Variants in RIMOC1 observed in about 807,000 individuals in gnomAD.
The protein encoded by RIMOC1 is RAB7A-interacting MON1-CCZ1 complex subunit 1.
At chr5:41,906,140 A>G in the RIMOC1 span, among the ~76,000 whole-genome samples, 1 of 152,222 alleles carries the variant, frequency 6.6e-6, no homozygotes. Context: ...TTCAGATTAG[A>G]TGAGATACAG....
the RIMOC1 span, among the ~76,000 whole-genome samples, chr5:41,905,678 T>TG: frequency 3.9e-5 from 6 of 152,254 alleles, no homozygotes; most frequent in African/African-American, 1.4e-4. Context: ...AACTTGAAAG[T>TG]TATCTATGTT....
At chr5:41,917,341 C>T in the RIMOC1 span, 1 of 1,531,884 alleles carries the variant, frequency 6.5e-7, no homozygotes, top group Non-Finnish European at 8.8e-7. Context: ...ACAACAAAAC[C>T]CATGAAATGG....
At chr5:41,908,554 G>A in the RIMOC1 span, among the ~76,000 whole-genome samples, 2 of 152,044 alleles carry the variant, frequency 1.3e-5, no homozygotes, top group African/African-American at 4.8e-5. Context: ...GCTTGGTGCT[G>A]TTCTTCCTGT....
chr5:41,905,297 A>C, the RIMOC1 span, among the ~76,000 whole-genome samples: 1 of 152,204 alleles, frequency 6.6e-6, no homozygotes, highest in Non-Finnish European at 1.5e-5. Context: ...CCTTAGTTTC[A>C]GTGAATATTT....
the RIMOC1 span, chr5:41,909,673 G>A: frequency 8.8e-7 from 1 of 1,139,062 alleles, no homozygotes; most frequent in South Asian, 1.8e-5. Flanking sequence ...ATGTGTGCAA[G>A]GTTAGACTGT....
chr5:41,914,096 T>C, the RIMOC1 span, among the ~76,000 whole-genome samples: 1 of 152,198 alleles, frequency 6.6e-6, no homozygotes, highest in Non-Finnish European at 1.5e-5. Context: ...TCACCTGTTT[T>C]CCTAATTCTC....
the RIMOC1 span, chr5:41,911,300 A>G: frequency 4.6e-5 from 39 of 845,878 alleles, no homozygotes; most frequent in African/African-American, 6.6e-4. Flanking sequence ...TGTGTCTTTT[A>G]TTTACTAGCT....
chr5:41,917,593 C>T, the RIMOC1 span: 1,963 of 910,796 alleles, frequency 2.2e-3, 2 homozygotes, highest in Middle Eastern at 5.5e-3. Context: ...AAGATTTTTT[C>T]TATTACTTTT....
the RIMOC1 span, among the ~76,000 whole-genome samples, chr5:41,910,847 A>C: frequency 6.6e-6 from 1 of 152,154 alleles, no homozygotes; most frequent in African/African-American, 2.4e-5. Context: ...AGTAAATTGA[A>C]GTTATTTTAA....
At chr5:41,909,863 T>C in the RIMOC1 span, 1 of 1,580,876 alleles carries the variant, frequency 6.3e-7, no homozygotes. Context: ...ACCAGAAATT[T>C]TAGTAAAGGA....
At chr5:41,919,966 G>C in the RIMOC1 span, 1 of 152,126 alleles carries the variant, frequency 6.6e-6, no homozygotes, top group Non-Finnish European at 1.5e-5. Flanking sequence ...GAATTAATGA[G>C]GCATGATTCT....
chr5:41,909,851 G>C, the RIMOC1 span: 3 of 1,583,376 alleles, frequency 1.9e-6, no homozygotes, highest in Non-Finnish European at 8.6e-7. Context: ...TTTTCTTTCA[G>C]AACCAGAAAT....
the RIMOC1 span, chr5:41,907,737 T>G: frequency 1.3e-6 from 2 of 1,592,170 alleles, no homozygotes; most frequent in South Asian, 2.3e-5. Context: ...TTCTTATAGA[T>G]CACTTTTTAA....
At chr5:41,910,134 T>A in the RIMOC1 span, among the ~76,000 whole-genome samples, 3,687 of 152,240 alleles carry the variant, frequency 0.024, 69 homozygotes, top group Non-Finnish European at 0.037. Flanking sequence ...TCATTTTTTT[T>A]AATATAGATA....
chr5:41,918,097 C>T, the RIMOC1 span: 6 of 985,666 alleles, frequency 6.1e-6, no homozygotes, highest in Non-Finnish European at 7.2e-6. Context: ...GGCCAGAGAG[C>T]CTAACTTGAT....
At chr5:41,904,364 G>T in the RIMOC1 span, 1 of 1,612,958 alleles carries the variant, frequency 6.2e-7, no homozygotes, top group Non-Finnish European at 8.5e-7. Context: ...CGCCGATTGT[G>T]GCCATGGCGG....
chr5:41,911,531 T>A, the RIMOC1 span, among the ~76,000 whole-genome samples: 1 of 152,220 alleles, frequency 6.6e-6, no homozygotes, highest in African/African-American at 2.4e-5. Flanking sequence ...ATGACCCTGC[T>A]TCTAGAAAAT....
chr5:41,914,313 C>T, the RIMOC1 span, among the ~76,000 whole-genome samples: 14 of 152,106 alleles, frequency 9.2e-5, no homozygotes, highest in Admixed American at 2.0e-4. Flanking sequence ...CAGTTTGCTA[C>T]ATACTGTCCT....
the RIMOC1 span, among the ~76,000 whole-genome samples, chr5:41,914,025 T>C: frequency 6.6e-6 from 1 of 152,184 alleles, no homozygotes; most frequent in Non-Finnish European, 1.5e-5. Context: ...TGGGACACTT[T>C]AAAAGAAAAA....
Sources: gnomAD v4.1 joint callset for allele counts (sites outside exome capture counted in the v4.1 genomes callset) on GRCh38, gnomAD v4.1.1 for gene constraint, MANE v1.5 for transcripts, NCBI Gene and HGNC (gene_info 2026-07-23, HGNC 2026-07-21) for gene names.